The following HS3ST4 variants were observed in gnomAD, a reference collection of about 807,000 sequenced individuals.
HS3ST4 encodes the protein heparan sulfate glucosamine 3-O-sulfotransferase 4.
A neutral mutation model predicts 29.2 loss-of-function variants in HS3ST4; 17 were observed. The ratio of observed to expected loss-of-function variants is 0.58; its 90% confidence interval spans 0.40 to 0.87. The LOEUF (loss-of-function observed/expected upper bound fraction) is 0.87. Among genes scored for constraint, HS3ST4 ranks in the 40% least tolerant of loss-of-function variants. HS3ST4 has a pLI of 0.00. For missense variants in HS3ST4, 627 were observed against 634.5 expected (o/e 0.99, Z 0.13); for synonymous variants, 314 against 285.7 (o/e 1.10, Z -1.00).
chr16:26,131,491 A>G (rs1301854081), intron 1 of HS3ST4, among the ~76,000 whole-genome samples: 1 of 152,140 alleles, frequency 6.6e-6, no homozygotes. Flanking sequence ...CTGTTTCTCA[A>G]GCACACCAAA....
At chr16:25,794,523 A>G (rs1371567422) in intron 1 of HS3ST4, among the ~76,000 whole-genome samples, 1 of 151,542 alleles carries the variant, frequency 6.6e-6, no homozygotes, top group Non-Finnish European at 1.5e-5. Flanking sequence ...ACTGGTGATT[A>G]TCTTTCCCAC....
At chr16:26,099,843 C>T (rs1898971354) in intron 1 of HS3ST4, among the ~76,000 whole-genome samples, 1 of 151,992 alleles carries the variant, frequency 6.6e-6, no homozygotes, top group African/African-American at 2.4e-5. Context: ...CTGCACATAT[C>T]AGTGGTGATA....
At chr16:25,779,700 G>A (rs1034045662) in intron 1 of HS3ST4, among the ~76,000 whole-genome samples, 1 of 152,144 alleles carries the variant, frequency 6.6e-6, no homozygotes, top group African/African-American at 2.4e-5. Flanking sequence ...AATCCTGATT[G>A]GTCTTCAGAG....
At chr16:25,718,396 G>A (rs1966472060) in intron 1 of HS3ST4, among the ~76,000 whole-genome samples, 1 of 152,066 alleles carries the variant, frequency 6.6e-6, no homozygotes, top group African/African-American at 2.4e-5. Flanking sequence ...TTAGAGTCTT[G>A]GAGCAGCAAG....
At chr16:26,046,387 GCCATCCACCTGTCTCGGCTTC>G (rs1359464823) in intron 1 of HS3ST4, among the ~76,000 whole-genome samples, 1 of 151,954 alleles carries the variant, frequency 6.6e-6, no homozygotes, top group Non-Finnish European at 1.5e-5. Flanking sequence ...TTGACTTCAG[GCCATCCACCTGTCTCGGCTTC>G]CCAAAGTGCT....
intron 1 of HS3ST4, among the ~76,000 whole-genome samples, chr16:26,127,719 A>G (rs769808684): frequency 3.3e-5 from 5 of 152,162 alleles, no homozygotes; most frequent in African/African-American, 1.2e-4. Flanking sequence ...CACGGATATC[A>G]TGGGGAATAA....
intron 1 of HS3ST4, among the ~76,000 whole-genome samples, chr16:26,087,122 T>C (rs7199218): frequency 0.46 from 69,409 of 152,120 alleles, 16,173 homozygotes; most frequent in Middle Eastern, 0.57. Context: ...TATTGTGACA[T>C]CTGGAAGAGG....
At position 25,887,691 on chromosome 16, in the gene HS3ST4, A is replaced by ATT. The variant is rs768447504; in HGVS notation, c.734+194563_734+194564dup. Reference sequence around the variant, plus strand: ...GCATCCCTAGCGCCCGCTACACCTGATTTTTTTTTTTTTTTTTTTTTTTTG... The same window carrying ATT: ...GCATCCCTAGCGCCCGCTACACCTGATTTTTTTTTTTTTTTTTTTTTTTTTTG... On this transcript the variant is annotated intron_variant, in intron 1 of 1. Transcript: ENST00000331351. Among the ~76,000 whole-genome samples, 710 of 91,430 alleles carry ATT rather than the reference A, an allele frequency of 7.8e-3. 2 individuals carry two copies. The highest frequency in any genetic ancestry group is 0.011 in the African/African-American group (224 of 20,872). The allele number at this position is 91,430 out of a possible 152,430, so 60.0% of individuals were successfully genotyped here.
At chr16:25,819,266 A>G (rs1967123882) in intron 1 of HS3ST4, among the ~76,000 whole-genome samples, 1 of 152,212 alleles carries the variant, frequency 6.6e-6, no homozygotes, top group South Asian at 2.1e-4. Context: ...GTTTTCTTTC[A>G]TCATTCCACT....
At chr16:25,792,419 C>T (rs1966871261) in intron 1 of HS3ST4, among the ~76,000 whole-genome samples, 1 of 151,806 alleles carries the variant, frequency 6.6e-6, no homozygotes, top group Non-Finnish European at 1.5e-5. Context: ...GCTGATGAAG[C>T]TGTCAGGGCC....
chr16:25,724,112 C>CAAA (rs56115380), intron 1 of HS3ST4, among the ~76,000 whole-genome samples: 22 of 77,220 alleles, frequency 2.8e-4, no homozygotes, highest in African/African-American at 7.3e-4. Context: ...GACTCCATCT[C>CAAA]AAAAAAAAAA....
At chr16:25,737,079 T>C (rs764568298) in intron 1 of HS3ST4, among the ~76,000 whole-genome samples, 52 of 152,098 alleles carry the variant, frequency 3.4e-4, no homozygotes, top group Non-Finnish European at 5.7e-4. Context: ...GGGGTACATA[T>C]GCAGGTTTGT....
In HS3ST4 at chr16:26,136,347, C is replaced by A; in HGVS notation, c.*99C>A. On this transcript the variant is annotated 3_prime_UTR_variant, in exon 2 of 2. Coordinates refer to ENST00000331351, the MANE Select transcript of HS3ST4 (RefSeq NM_006040.3). ...TCTGCAGCTTCACTTGCTGGAGTGCCAAGTAGATCTCCTCCTCCTTCATGC... is the reference window on the plus strand; with the variant it reads ...TCTGCAGCTTCACTTGCTGGAGTGCAAAGTAGATCTCCTCCTCCTTCATGC... The A allele has an allele frequency of 2.7e-6, 3 of 1,123,546 alleles. No homozygotes were observed. The highest frequency in any genetic ancestry group is 3.7e-6 in the Non-Finnish European group (3 of 806,524). 69.6% of individuals were successfully genotyped at this position (1,123,546 alleles called of 1,614,324 possible). A position where few individuals can be genotyped will look rare whatever the true frequency, so the allele number is the denominator to read the frequency against.
rs560660782 is a variant in HS3ST4, at chr16:25,863,685, T to C, written c.734+170534T>C. ...TTATAGACAGGTGTTATGTGTTGTG[T>C]GTGTGTATGTTTTAATATTTAATCT... is the stretch of plus-strand genomic sequence containing the variant. On this transcript the variant is annotated intron_variant, in intron 1 of 1. Coordinates refer to ENST00000331351, the MANE Select transcript of HS3ST4 (RefSeq NM_006040.3). Among the ~76,000 whole-genome samples the C allele has an allele frequency of 7.9e-3, 1,199 of 152,312 alleles. 11 individuals are homozygous for C. Among genetic ancestry groups the C allele is most frequent in the African/African-American group, 0.027 (1,136 of 41,560 alleles).
intron 1 of HS3ST4, among the ~76,000 whole-genome samples, chr16:26,019,215 G>A (rs1223219271): frequency 6.6e-6 from 1 of 152,038 alleles, no homozygotes; most frequent in East Asian, 1.9e-4. Flanking sequence ...GGGGGGCAGT[G>A]GGGTTCATGC....
chr16:25,814,932 C>A (rs1017107395), intron 1 of HS3ST4, among the ~76,000 whole-genome samples: 2 of 152,154 alleles, frequency 1.3e-5, no homozygotes, highest in African/African-American at 4.8e-5. Flanking sequence ...GGCCAGCCTT[C>A]GCACATCCAT....
intron 1 of HS3ST4, among the ~76,000 whole-genome samples, chr16:25,694,463 A>G (rs1401007451): frequency 6.6e-6 from 1 of 152,218 alleles, no homozygotes; most frequent in African/African-American, 2.4e-5. Flanking sequence ...GTGTCTGTTA[A>G]CGTCTTGTCT....
chr16:25,802,468 TACA>T (rs769824943), intron 1 of HS3ST4, among the ~76,000 whole-genome samples: 7 of 152,078 alleles, frequency 4.6e-5, no homozygotes, highest in Non-Finnish European at 8.8e-5. Flanking sequence ...CAGCGGCAAA[TACA>T]ACAATTTTTT....
intron 1 of HS3ST4, among the ~76,000 whole-genome samples, chr16:26,098,601 G>A (rs1256781629): frequency 6.6e-6 from 1 of 152,122 alleles, no homozygotes; most frequent in Non-Finnish European, 1.5e-5. Flanking sequence ...GCAGGCTGGG[G>A]GAGGGATGGC....
Sources: gnomAD v4.1 joint callset for allele counts (sites outside exome capture counted in the v4.1 genomes callset) on GRCh38, gnomAD v4.1.1 for gene constraint, MANE v1.5 for transcripts, NCBI Gene and HGNC (gene_info 2026-07-23, HGNC 2026-07-21) for gene names.